The following FBXW11 variants were observed in gnomAD, a reference collection of about 807,000 sequenced individuals.
The protein encoded by FBXW11 is F-box/WD repeat-containing protein 11.
In FBXW11, 19 loss-of-function variants were observed where a neutral mutation model predicts 77.6. The observed-to-expected ratio is 0.24, with a 90% confidence interval of 0.17 to 0.36. FBXW11 has a LOEUF of 0.36. Ranked by LOEUF, FBXW11 falls within the 10% of genes least tolerant of loss-of-function variation. FBXW11 has a pLI of 1.00. For synonymous variants in FBXW11, 235 were observed against 249.4 expected (o/e 0.94, Z 0.54); for missense variants, 334 against 704.2 (o/e 0.47, Z 5.95).
At chr5:171,960,857 T>C (rs1486606050) in intron 1 of FBXW11, among the ~76,000 whole-genome samples, 2 of 152,220 alleles carry the variant, frequency 1.3e-5, no homozygotes, top group African/African-American at 4.8e-5. Context: ...AGAAGACTGA[T>C]ATTTCAAAGC....
intron 1 of FBXW11, among the ~76,000 whole-genome samples, chr5:171,995,740 G>A (rs1415801701): frequency 6.6e-6 from 1 of 151,594 alleles, no homozygotes; most frequent in East Asian, 1.9e-4. Context: ...GCGACAGAGC[G>A]AGACTCCGCC....
At chr5:171,987,055 T>G (rs553765597) in intron 1 of FBXW11, among the ~76,000 whole-genome samples, 1 of 152,196 alleles carries the variant, frequency 6.6e-6, no homozygotes, top group Non-Finnish European at 1.5e-5. Flanking sequence ...GGGATCTACG[T>G]TGCATGCTCT....
chr5:171,983,453 G>A (rs2113506120), intron 1 of FBXW11, among the ~76,000 whole-genome samples: 1 of 152,238 alleles, frequency 6.6e-6, no homozygotes, highest in South Asian at 2.1e-4. Context: ...GAAGCAAGTT[G>A]GTCAGAAGGA....
chr5:171,961,318 G>A (rs1763895999), intron 1 of FBXW11, among the ~76,000 whole-genome samples: 1 of 152,172 alleles, frequency 6.6e-6, no homozygotes, highest in Admixed American at 6.5e-5. Flanking sequence ...CAAGACGAGT[G>A]TTGTTTTCCA....
chr5:171,882,845 G>A (rs1335469027), intron 7 of FBXW11, among the ~76,000 whole-genome samples: 1 of 151,590 alleles, frequency 6.6e-6, no homozygotes, highest in Non-Finnish European at 1.5e-5. Context: ...GGTTACCTAA[G>A]TTCTTTAGTG....
intron 7 of FBXW11, among the ~76,000 whole-genome samples, chr5:171,888,449 TGGCATATTGCAAA>T (rs767602661): frequency 8.5e-5 from 13 of 152,264 alleles, no homozygotes; most frequent in Non-Finnish European, 1.8e-4. Context: ...AGACGCAAAG[TGGCATATTGCAAA>T]GGCTTTGAAC....
rs112069718 is a variant in FBXW11 at position 171,967,669 on chromosome 5, G to A, written c.46-9971C>T. Among the ~76,000 whole-genome samples, 351 of 151,694 alleles carry A rather than the reference G, an allele frequency of 2.3e-3. 1 individual carries two copies. Among genetic ancestry groups the A allele is most frequent in the African/African-American group, 8.1e-3 (333 of 41,262 alleles). ...AGCCTGACCAACATGGAAAAACCCC[G>A]TCTCTACTAAAAATACAAAATTAGC... is the stretch of plus-strand genomic sequence containing the variant. On this transcript the variant is annotated intron_variant, in intron 1 of 13. Coordinates refer to ENST00000517395, the MANE Select transcript of FBXW11 (RefSeq NM_001378974.1).
chr5:171,998,924 T>TGG (rs1766240191), intron 1 of FBXW11, among the ~76,000 whole-genome samples: 1 of 152,160 alleles, frequency 6.6e-6, no homozygotes, highest in Non-Finnish European at 1.5e-5. Flanking sequence ...CAAGTAATTT[T>TGG]TAAATTCTAA....
intron 7 of FBXW11, among the ~76,000 whole-genome samples, chr5:171,885,971 C>A (rs867645222): frequency 6.6e-6 from 1 of 152,190 alleles, no homozygotes; most frequent in Admixed American, 6.5e-5. Flanking sequence ...CTCTTCAAAG[C>A]GCACTTCTGC....
chr5:171,962,384 G>C (rs921768652), intron 1 of FBXW11, among the ~76,000 whole-genome samples: 5 of 152,142 alleles, frequency 3.3e-5, no homozygotes, highest in Admixed American at 6.5e-5. Flanking sequence ...TACTTGTAAT[G>C]ATTAATATTC....
intron 4 of FBXW11, among the ~76,000 whole-genome samples, chr5:171,907,842 G>A (rs918812834): frequency 2.6e-5 from 4 of 152,110 alleles, no homozygotes; most frequent in Non-Finnish European, 5.9e-5. Flanking sequence ...CTTCTCCAAG[G>A]CTGTATACTC....
chr5:171,962,151 T>C (rs1009879438), intron 1 of FBXW11, among the ~76,000 whole-genome samples: 9 of 152,220 alleles, frequency 5.9e-5, no homozygotes, highest in African/African-American at 2.2e-4. Flanking sequence ...TGCTAAAATA[T>C]GTCTGAAGAA....
Position 171,904,792 on chromosome 5 carries a change from G to C in FBXW11, c.437-4692C>G, listed in dbSNP as rs1760366833. Among the ~76,000 whole-genome samples the C allele has an allele frequency of 6.6e-6, 1 of 152,008 alleles. No homozygotes were observed. The highest frequency in any genetic ancestry group is 2.4e-5 in the African/African-American group (1 of 41,372). On this transcript the variant is annotated intron_variant, in intron 4 of 13. Coordinates refer to ENST00000517395, the MANE Select transcript of FBXW11 (RefSeq NM_001378974.1). This position sits in a 1 kb window ranked among gnomAD's most constrained non-coding sequence, Gnocchi z 4.0. ...TCACCATGTTGGCCAGGATGGTCTT[G>C]ATCTCTTGACCTCATGATCCACCCA...
rs1333551093 is a variant in FBXW11, at chr5:171,864,030, AT to A, written c.*96del. The A allele has an allele frequency of 2.0e-5, 3 of 152,166 alleles. No homozygotes were observed. Among genetic ancestry groups the A allele is most frequent in the Non-Finnish European group, 4.4e-5 (3 of 68,016 alleles). The allele number at this position is 152,166 out of a possible 1,614,324, so 9.4% of individuals were successfully genotyped here. ...AGCGTCTAGAACCAATTCCAGCTTCATAACTCAGCTGTGAACGAACTCCCTT... is the reference window on the plus strand; with the variant it reads ...AGCGTCTAGAACCAATTCCAGCTTCAAACTCAGCTGTGAACGAACTCCCTT... On this transcript the variant is annotated 3_prime_UTR_variant, in exon 14 of 14. Transcript: ENST00000517395.
intron 2 of FBXW11, among the ~76,000 whole-genome samples, chr5:171,950,136 A>G (rs1763229407): frequency 6.6e-6 from 1 of 152,196 alleles, no homozygotes; most frequent in South Asian, 2.1e-4. Flanking sequence ...ATCTTAATTC[A>G]TCATGTTACT....
chr5:171,970,737 G>T (rs1276450097), intron 1 of FBXW11, among the ~76,000 whole-genome samples: 2 of 152,188 alleles, frequency 1.3e-5, no homozygotes, highest in African/African-American at 2.4e-5. Context: ...AAAGCGAGTT[G>T]TCAAAGATAA....
At chr5:171,866,587 T>C (rs1757408201) in intron 13 of FBXW11, among the ~76,000 whole-genome samples, 1 of 152,222 alleles carries the variant, frequency 6.6e-6, no homozygotes, top group Non-Finnish European at 1.5e-5. Context: ...CAAAGGAATC[T>C]TGTTCAGGGC....
At chr5:171,951,951 A>G (rs1052478868) in intron 2 of FBXW11, among the ~76,000 whole-genome samples, 2 of 152,200 alleles carry the variant, frequency 1.3e-5, no homozygotes, top group Non-Finnish European at 1.5e-5. Flanking sequence ...AAGTTGAATA[A>G]TTCTCTTATT....
chr5:171,938,218 T>A (rs188339832), intron 2 of FBXW11, among the ~76,000 whole-genome samples: 2 of 152,290 alleles, frequency 1.3e-5, no homozygotes. Flanking sequence ...CATGCCACCA[T>A]GCCCAGGTAA....
Sources: allele counts gnomAD v4.1 joint callset (sites outside exome capture counted in the v4.1 genomes callset), GRCh38; gene constraint gnomAD v4.1.1; non-coding constraint Gnocchi (gnomAD v3.1); transcripts MANE v1.5; gene names NCBI Gene and HGNC (gene_info 2026-07-23, HGNC 2026-07-21).